The following RREB1 variants were observed in gnomAD, a reference collection of about 807,000 sequenced individuals.
RREB1 encodes ras-responsive element-binding protein 1.
RREB1 carries 27 observed loss-of-function variants against 117.8 expected under a neutral mutation model. That is an observed-to-expected ratio of 0.23 (90% CI 0.17 to 0.32). RREB1 has a LOEUF of 0.32. RREB1 is among the 10% of genes least tolerant of loss of function. The probability of loss-of-function intolerance (pLI) is 1.00; values close to 1 mark genes in which losing one functional copy is unlikely to be tolerated. For missense variants in RREB1, 2,577 were observed against 2,378.2 expected, an observed-to-expected ratio of 1.08 and a Z score of -1.74; for synonymous variants, 1,298 against 1,026.7, an observed-to-expected ratio of 1.26 and a Z score of -5.05.
intron 1 of RREB1, among the ~76,000 whole-genome samples, chr6:7,161,596 CTT>C (rs1440815136): frequency 6.6e-6 from 1 of 152,140 alleles, no homozygotes; most frequent in East Asian, 1.9e-4. Context: ...CCTTTCCTAT[CTT>C]TCTCAAAACC....
At chr6:7,124,365 T>C (rs151131833) in intron 1 of RREB1, among the ~76,000 whole-genome samples, 12 of 152,292 alleles carry the variant, frequency 7.9e-5, no homozygotes, top group Middle Eastern at 3.4e-3. Flanking sequence ...AGATCATGAT[T>C]TATGTCATTG....
At chr6:7,173,490 C>T (rs1764334010) in intron 1 of RREB1, among the ~76,000 whole-genome samples, 1 of 149,596 alleles carries the variant, frequency 6.7e-6, no homozygotes, top group Non-Finnish European at 1.5e-5. Context: ...GAGACTCTGT[C>T]TCAAAAACAT....
chr6:7,151,800 T>G (rs1044889486), intron 1 of RREB1, among the ~76,000 whole-genome samples: 4 of 152,310 alleles, frequency 2.6e-5, no homozygotes, highest in East Asian at 1.9e-4. Flanking sequence ...ACGGGAACAG[T>G]GTGTAAAAGT....
At chr6:7,165,300 AG>A (rs1443222160) in intron 1 of RREB1, among the ~76,000 whole-genome samples, 1 of 152,210 alleles carries the variant, frequency 6.6e-6, no homozygotes, top group African/African-American at 2.4e-5. Flanking sequence ...GTTGGAGGCT[AG>A]GCCCCTCCTA....
chr6:7,124,187 G>C (rs1197256059), intron 1 of RREB1, among the ~76,000 whole-genome samples: 1 of 152,128 alleles, frequency 6.6e-6, no homozygotes, highest in Admixed American at 6.5e-5. Flanking sequence ...AAACACGGTG[G>C]CCTGTGTGTT....
intron 6 of RREB1, among the ~76,000 whole-genome samples, chr6:7,205,428 C>A (rs571047523): frequency 6.6e-6 from 1 of 152,178 alleles, no homozygotes; most frequent in Non-Finnish European, 1.5e-5. Context: ...TACTAGGTGG[C>A]AGAACAGAGA....
At chr6:7,161,387 G>T (rs1053889133) in intron 1 of RREB1, among the ~76,000 whole-genome samples, 2 of 152,078 alleles carry the variant, frequency 1.3e-5, no homozygotes, top group Non-Finnish European at 2.9e-5. Flanking sequence ...CCTGCTTTAG[G>T]GTTTAAAAAC....
At chr6:7,153,676 A>G (rs533452401) in intron 1 of RREB1, among the ~76,000 whole-genome samples, 10 of 152,204 alleles carry the variant, frequency 6.6e-5, no homozygotes, top group Non-Finnish European at 1.2e-4. Flanking sequence ...GATCTGTTTG[A>G]TAGGTTGGGC....
chr6:7,158,054 A>G (rs144142461), intron 1 of RREB1, among the ~76,000 whole-genome samples: 152 of 152,232 alleles, frequency 1.0e-3, no homozygotes, highest in African/African-American at 3.6e-3. Context: ...TCCCACGTGC[A>G]TTCTTCAGGG....
chr6:7,124,673 C>T (rs1761834041), intron 1 of RREB1, among the ~76,000 whole-genome samples: 1 of 152,228 alleles, frequency 6.6e-6, no homozygotes, highest in Admixed American at 6.5e-5. Flanking sequence ...GAAATACTCC[C>T]AGCATGGTGG....
intron 6 of RREB1, among the ~76,000 whole-genome samples, chr6:7,193,828 G>A (rs1283688587): frequency 1.3e-5 from 2 of 152,152 alleles, no homozygotes; most frequent in Non-Finnish European, 2.9e-5. Context: ...TTCACTTGTG[G>A]CATCATGTCA....
In RREB1 at chr6:7,246,374, C is replaced by T. The variant is rs111512592; in HGVS notation, c.3974-50C>T. 8.1e-5 allele frequency: 114 copies of T among 1,412,182 alleles called. No individual in the cohort carries two copies. The African/African-American group carries it at 1.1e-3, about 14-fold the overall frequency. 87.5% of individuals were successfully genotyped at this position (1,412,182 alleles called of 1,614,324 possible). A position where few individuals can be genotyped will look rare whatever the true frequency, so the allele number is the denominator to read the frequency against. The stretch of plus-strand genomic sequence containing the variant: ...TTCCCGGCGACATCCCTGGCATGGG[C>T]GTACCTGGTGGTGCCCCTCTGAGCC... On this transcript the variant is annotated intron_variant, in intron 11 of 12. Coordinates refer to ENST00000379938, the MANE Select transcript of RREB1 (RefSeq NM_001003699.4).
In RREB1 at chr6:7,230,251, C is replaced by T. The variant is rs145121387; in HGVS notation, c.2152C>T (p.Leu718=). 1.1e-4 allele frequency: 178 copies of T among 1,602,120 alleles called. No individual in the cohort carries two copies. The African/African-American group carries it at 1.8e-3, about 16-fold the overall frequency. ...TGTCAAAGCCAACTGCGAGCGGCAC[C>T]TGCGCAAGAAGCACCTCAAGGCCAC... ...FTVKANCERH[L]RKKHLKATRK... is the part of the protein sequence containing the mutation. The change falls in exon 10 of 13, where the codon CTG becomes TTG. Residue 718 remains leucine (L), a synonymous_variant. Transcript: ENST00000379938.
rs1561808742 is a variant in RREB1 at position 7,246,547 on chromosome 6, T to C, written c.4097T>C (p.Val1366Ala). The C allele has an allele frequency of 1.3e-6, 2 of 1,548,260 alleles. No individual in the cohort carries two copies. The highest frequency in any genetic ancestry group is 8.7e-7 in the Non-Finnish European group (1 of 1,146,656). The change falls in exon 12 of 13, where the codon GTG becomes GCG. Residue 1366 changes from valine (V) to alanine (A), a missense_variant. Val to Ala is a moderately conservative substitution (Grantham distance 64). Coordinates refer to ENST00000379938, the MANE Select transcript of RREB1 (RefSeq NM_001003699.4). The stretch of plus-strand genomic sequence containing the variant: ...CGCCAGGTCGCAGGGGATGCGCCTG[T>C]GGAGCAGGCCACGGCGGAAACGGCC... ...ELRQVAGDAPVEQATAETASP... is the reference protein window; with the variant it reads ...ELRQVAGDAPAEQATAETASP...
At chr6:7,188,074 C>T (rs1765179416) in intron 5 of RREB1, among the ~76,000 whole-genome samples, 1 of 152,148 alleles carries the variant, frequency 6.6e-6, no homozygotes, top group Non-Finnish European at 1.5e-5. Context: ...GAGGCTGAGA[C>T]AGGAGAATCA....
chr6:7,110,387 T>G (rs1761078506), intron 1 of RREB1, among the ~76,000 whole-genome samples: 2 of 152,234 alleles, frequency 1.3e-5, no homozygotes, highest in African/African-American at 4.8e-5. Context: ...AGTTTTGTGC[T>G]ATCTTCAAGA....
chr6:7,247,757 C>T (rs1769177979), intron 12 of RREB1, among the ~76,000 whole-genome samples: 1 of 152,348 alleles, frequency 6.6e-6, no homozygotes, highest in African/African-American at 2.4e-5. Flanking sequence ...TTCTAGAGTT[C>T]ACCCACCACC....
intron 6 of RREB1, among the ~76,000 whole-genome samples, chr6:7,206,361 G>A (rs1252055911): frequency 6.6e-6 from 1 of 152,212 alleles, no homozygotes; most frequent in Non-Finnish European, 1.5e-5. Flanking sequence ...GTTATAAGAT[G>A]TCCTGGAACC....
chr6:7,202,688 G>C (rs1250714574), intron 6 of RREB1, among the ~76,000 whole-genome samples: 1 of 152,188 alleles, frequency 6.6e-6, no homozygotes, highest in African/African-American at 2.4e-5. Flanking sequence ...TGTAAATGTT[G>C]AGGAAACTGA....
Sources: gnomAD v4.1 joint callset for allele counts (sites outside exome capture counted in the v4.1 genomes callset) on GRCh38, gnomAD v4.1.1 for gene constraint, MANE v1.5 for transcripts, NCBI Gene and HGNC (gene_info 2026-07-23, HGNC 2026-07-21) for gene names.